The following SGCD variants were observed in gnomAD, a reference collection of about 807,000 sequenced individuals.
The protein encoded by SGCD is delta-sarcoglycan.
A neutral mutation model predicts 36.6 loss-of-function variants in SGCD; 18 were observed. That is an observed-to-expected ratio of 0.49 (90% confidence interval 0.34 to 0.73). The LOEUF is 0.73. Ranked by LOEUF, SGCD falls within the 30% of genes least tolerant of loss-of-function variation. The pLI, the probability that SGCD is intolerant of heterozygous loss-of-function variation, is 0.01. For missense variants in SGCD, 387 were observed against 346.7 expected (o/e 1.12, Z -0.92); for synonymous variants, 133 against 130.6 (o/e 1.02, Z -0.12).
chr5:155,877,677 A>C (rs1384084436), intron 1 of SGCD, among the ~76,000 whole-genome samples: 1 of 152,106 alleles, frequency 6.6e-6, no homozygotes, highest in African/African-American at 2.4e-5. Context: ...TTCTTATAGT[A>C]AATTAATGCT....
At position 155,937,711 on chromosome 5, in the gene SGCD, G is replaced by A. The variant is rs543112431; in HGVS notation, c.-282+67287G>A. Among the ~76,000 whole-genome samples, 4 of 152,304 alleles carry A rather than the reference G, an allele frequency of 2.6e-5. No homozygotes were observed. The South Asian group carries it at 8.3e-4, about 32-fold the overall frequency. On this transcript the variant is annotated intron_variant, in intron 1 of 9. Coordinates refer to the SGCD transcript ENST00000517913. ...GACCCCAAAGAGCTTATAATTAAGT[G>A]GGGGAAGATGGGCATTAAGTTGAGA...
chr5:156,512,819 T>A (rs1757002147), intron 4 of SGCD, among the ~76,000 whole-genome samples: 1 of 152,194 alleles, frequency 6.6e-6, no homozygotes, highest in South Asian at 2.1e-4. Flanking sequence ...GAACTTTATA[T>A]AAATGGAATC....
chr5:155,769,091 G>A, the SGCD span, among the ~76,000 whole-genome samples: 1 of 152,074 alleles, frequency 6.6e-6, no homozygotes, highest in Non-Finnish European at 1.5e-5. Flanking sequence ...AAAAAGATGA[G>A]TAGGATTTGT....
At chr5:155,798,484 A>T in the SGCD span, among the ~76,000 whole-genome samples, 23 of 152,342 alleles carry the variant, frequency 1.5e-4, no homozygotes, top group African/African-American at 4.8e-4. Context: ...ATTTGCATGA[A>T]TTTTAATGTC....
the SGCD span, among the ~76,000 whole-genome samples, chr5:155,823,373 A>G: frequency 6.6e-5 from 10 of 151,252 alleles, no homozygotes; most frequent in Admixed American, 2.0e-4. Flanking sequence ...TTCTATTCAG[A>G]CTCTGAGTGG....
the SGCD span, among the ~76,000 whole-genome samples, chr5:155,780,913 A>G: frequency 1.3e-5 from 2 of 152,144 alleles, no homozygotes; most frequent in Admixed American, 6.6e-5. Context: ...TTGTACAAGC[A>G]CTTGTAATTA....
chr5:155,971,061 C>T (rs895878688), intron 1 of SGCD, among the ~76,000 whole-genome samples: 9 of 152,102 alleles, frequency 5.9e-5, no homozygotes, highest in African/African-American at 2.2e-4. Context: ...TCATCTGACT[C>T]ATTTATTAGG....
upstream of SGCD, among the ~76,000 whole-genome samples, chr5:156,323,539 A>G (rs1445378452): frequency 6.7e-6 from 1 of 149,726 alleles, no homozygotes; most frequent in Non-Finnish European, 1.5e-5. Flanking sequence ...TACCCATCCT[A>G]GACATTGGAA....
At chr5:156,069,500 A>C (rs1026846201) in intron 1 of SGCD, among the ~76,000 whole-genome samples, 6 of 152,070 alleles carry the variant, frequency 3.9e-5, no homozygotes, top group African/African-American at 1.2e-4. Context: ...TTTTGGTACC[A>C]GTACCGTGCT....
chr5:156,135,640 A>T (rs1320462864), intron 3 of SGCD, among the ~76,000 whole-genome samples: 1 of 152,210 alleles, frequency 6.6e-6, no homozygotes, highest in Non-Finnish European at 1.5e-5. Flanking sequence ...GTCTTATATT[A>T]GAATTTTGAA....
intron 1 of SGCD, among the ~76,000 whole-genome samples, chr5:155,874,161 T>G (rs1332931312): frequency 6.6e-6 from 1 of 152,246 alleles, no homozygotes; most frequent in Non-Finnish European, 1.5e-5. Context: ...GAATTCCTCA[T>G]CCTATTAAAA....
At chr5:156,416,580 T>C (rs1773049818) in intron 3 of SGCD, among the ~76,000 whole-genome samples, 1 of 152,228 alleles carries the variant, frequency 6.6e-6, no homozygotes, top group Non-Finnish European at 1.5e-5. Flanking sequence ...TTAATTTGTT[T>C]ATTCATTTGT....
chr5:156,016,171 T>C (rs900226662), intron 1 of SGCD, among the ~76,000 whole-genome samples: 1 of 152,050 alleles, frequency 6.6e-6, no homozygotes, highest in African/African-American at 2.4e-5. Flanking sequence ...AATACCTCGG[T>C]AAAAACAAAA....
At chr5:156,051,454 G>C (rs944397692) in intron 1 of SGCD, among the ~76,000 whole-genome samples, 1 of 145,922 alleles carries the variant, frequency 6.9e-6, no homozygotes, top group Non-Finnish European at 1.5e-5. Flanking sequence ...CTGCTTTTTG[G>C]CAAACTGAAT....
intron 1 of SGCD, among the ~76,000 whole-genome samples, chr5:156,046,542 T>C (rs1759769171): frequency 6.6e-6 from 1 of 152,312 alleles, no homozygotes; most frequent in African/African-American, 2.4e-5. Flanking sequence ...AATTTTAAAA[T>C]CTTTTCAGTA....
chr5:156,138,163 G>T (rs1762502087), intron 3 of SGCD, among the ~76,000 whole-genome samples: 1 of 152,170 alleles, frequency 6.6e-6, no homozygotes, highest in African/African-American at 2.4e-5. Context: ...CACTTTGGGA[G>T]GCCGAGGTGG....
At chr5:155,743,703 T>C in the SGCD span, among the ~76,000 whole-genome samples, 1 of 152,214 alleles carries the variant, frequency 6.6e-6, no homozygotes, top group Non-Finnish European at 1.5e-5. Flanking sequence ...AAAGAAAATC[T>C]CCATCCCTCT....
intron 3 of SGCD, among the ~76,000 whole-genome samples, chr5:156,321,283 G>T (rs1400282841): frequency 6.6e-6 from 1 of 152,082 alleles, no homozygotes; most frequent in Admixed American, 6.5e-5. Flanking sequence ...AGCCAGGCAT[G>T]GTGGTGGGCG....
chr5:156,638,263 C>T (rs1368612530), intron 6 of SGCD, among the ~76,000 whole-genome samples: 1 of 152,156 alleles, frequency 6.6e-6, no homozygotes, highest in Non-Finnish European at 1.5e-5. Flanking sequence ...CTCACCCTCA[C>T]TCCCAGGTGG....
Sources: allele counts gnomAD v4.1 joint callset (sites outside exome capture counted in the v4.1 genomes callset), GRCh38; gene constraint gnomAD v4.1.1; transcripts MANE v1.5; gene names NCBI Gene and HGNC (gene_info 2026-07-23, HGNC 2026-07-21).